TCEA1: variants seen among roughly 807,000 people sequenced by gnomAD.
The protein encoded by TCEA1 is transcription elongation factor A1.
TCEA1 carries 21 observed loss-of-function variants against 43.8 expected under a neutral mutation model. That is an observed-to-expected ratio of 0.48 (90% CI 0.34 to 0.69). The LOEUF is 0.69. TCEA1 is among the 30% of genes least tolerant of loss of function. The pLI, the probability that TCEA1 is intolerant of heterozygous loss-of-function variation, is 0.01. For synonymous variants in TCEA1, 104 were observed against 117.5 expected, an observed-to-expected ratio of 0.88 and a Z score of 0.75; for missense variants, 250 against 365.1, an observed-to-expected ratio of 0.68 and a Z score of 2.57.
At chr8:53,975,920 A>C (rs1803318760) in intron 8 of TCEA1, among the ~76,000 whole-genome samples, 1 of 152,204 alleles carries the variant, frequency 6.6e-6, no homozygotes, top group Non-Finnish European at 1.5e-5. Context: ...TTTTTTTAAA[A>C]CTTAAAAAGA....
At chr8:53,994,803 G>A (rs1375461479) in intron 3 of TCEA1, among the ~76,000 whole-genome samples, 3 of 151,726 alleles carry the variant, frequency 2.0e-5, no homozygotes, top group Admixed American at 6.6e-5. Flanking sequence ...CCCAGGAGGC[G>A]GAGGTTGCAG....
At chr8:53,981,734 G>A (rs1334344988) in intron 7 of TCEA1, among the ~76,000 whole-genome samples, 1 of 151,032 alleles carries the variant, frequency 6.6e-6, no homozygotes, top group Non-Finnish European at 1.5e-5. Flanking sequence ...TGCAGTTCAT[G>A]AATCAAGGAG....
chr8:54,008,174 A>G (rs1231431616), intron 2 of TCEA1, among the ~76,000 whole-genome samples: 1 of 105,910 alleles, frequency 9.4e-6, no homozygotes, highest in Non-Finnish European at 1.9e-5. Flanking sequence ...CTGTGTCTCA[A>G]AAAAAAAAAA....
At chr8:54,019,612 A>G (rs962156682) in intron 1 of TCEA1, among the ~76,000 whole-genome samples, 6 of 152,176 alleles carry the variant, frequency 3.9e-5, no homozygotes, top group Admixed American at 1.3e-4. Flanking sequence ...ATAAAACATT[A>G]AAAAAGCTGA....
chr8:53,972,144 G>A (rs919529844), intron 8 of TCEA1: 3 of 296,982 alleles, frequency 1.0e-5, no homozygotes, highest in Middle Eastern at 4.2e-4. Context: ...TGGCAGTGAT[G>A]GTTATGAAAA....
chr8:54,012,507 C>G (rs932855698), intron 1 of TCEA1, among the ~76,000 whole-genome samples: 6 of 152,058 alleles, frequency 3.9e-5, no homozygotes, highest in Non-Finnish European at 8.8e-5. Context: ...TGCAGTGAGC[C>G]GAGATCGCGC....
chr8:53,993,691 G>A lies in TCEA1; in HGVS notation c.297C>T (p.Asn99=), dbSNP rs185387224. The A allele has an allele frequency of 2.4e-4, 382 of 1,613,564 alleles. 3 individuals carry two copies. The African/African-American group carries it at 4.6e-3, about 19-fold the overall frequency. ...ACCTTTCTTCTCTTGCCTCAGGGCT[G>A]TTCTGCGATGTAATTGCAGGTTCTT... ...KKKEPAITSQ[N]SPEAREESTS... Residue 99 remains asparagine (N), a synonymous_variant, in exon 4 of 10, where the codon AAC becomes AAT. Transcript: ENST00000521604.
At chr8:54,012,287 C>A (rs1042004377) in intron 1 of TCEA1, among the ~76,000 whole-genome samples, 11 of 152,192 alleles carry the variant, frequency 7.2e-5, no homozygotes, top group Non-Finnish European at 1.2e-4. Context: ...TAAGGCCGGG[C>A]GCAGTGGCTC....
At chr8:54,011,657 C>T (rs1446118801) in intron 1 of TCEA1, among the ~76,000 whole-genome samples, 1 of 152,194 alleles carries the variant, frequency 6.6e-6, no homozygotes, top group Non-Finnish European at 1.5e-5. Context: ...ACAGAAAGAA[C>T]CACAGCACGT....
intron 4 of TCEA1, among the ~76,000 whole-genome samples, chr8:53,992,586 G>A (rs956338886): frequency 1.3e-5 from 2 of 152,192 alleles, no homozygotes; most frequent in African/African-American, 4.8e-5. Flanking sequence ...ACTCCAGAGT[G>A]GGCGGCAGAG....
intron 3 of TCEA1, among the ~76,000 whole-genome samples, chr8:53,996,321 C>T (rs975972895): frequency 6.6e-6 from 1 of 152,262 alleles, no homozygotes; most frequent in Non-Finnish European, 1.5e-5. Context: ...TGTCTGCAAT[C>T]AAGTCCCAGC....
At chr8:53,990,674 T>C (rs996498748) in intron 4 of TCEA1, among the ~76,000 whole-genome samples, 1 of 152,110 alleles carries the variant, frequency 6.6e-6, no homozygotes, top group African/African-American at 2.4e-5. Flanking sequence ...AAAAACCCAG[T>C]TCTTAAACAC....
At chr8:53,995,537 C>T (rs1293905094) in intron 3 of TCEA1, among the ~76,000 whole-genome samples, 1 of 152,098 alleles carries the variant, frequency 6.6e-6, no homozygotes, top group Non-Finnish European at 1.5e-5. Flanking sequence ...ACAAAGTATA[C>T]CAGTTAAGTA....
rs1803950186 is a variant in TCEA1, at chr8:53,993,585, T to C, written c.320+83A>G. ...TAGAAAACAAAAAAAGGAGTGTAAA[T>C]AGGGGAACATTAGACAGGGGAATTG... On this transcript the variant is annotated intron_variant, in intron 4 of 9. Coordinates refer to ENST00000521604, the MANE Select transcript of TCEA1 (RefSeq NM_006756.4). 8.2e-6 allele frequency: 9 copies of C among 1,094,346 alleles called. No individual in the cohort carries two copies. The East Asian group carries it at 2.2e-4, about 27-fold the overall frequency. The allele number at this position is 1,094,346 out of a possible 1,614,324, so 67.8% of individuals were successfully genotyped here. A position where few individuals can be genotyped will look rare whatever the true frequency, so the allele number is the denominator to read the frequency against.
intron 2 of TCEA1, among the ~76,000 whole-genome samples, chr8:54,006,975 T>G (rs1381825927): frequency 6.6e-6 from 1 of 152,084 alleles, no homozygotes; most frequent in Non-Finnish European, 1.5e-5. Flanking sequence ...GTAGCTGGGA[T>G]TATTACAGGC....
intron 7 of TCEA1, 112 bp downstream of exon 7, chr8:53,984,251 A>G: frequency 1.9e-6 from 2 of 1,030,790 alleles, no homozygotes; most frequent in Non-Finnish European, 2.7e-6. Context: ...TATCAGAATA[A>G]CGGAAATTTA....
intron 1 of TCEA1, among the ~76,000 whole-genome samples, chr8:54,015,877 CATTT>C (rs1247179262): frequency 1.3e-5 from 2 of 152,156 alleles, no homozygotes; most frequent in African/African-American, 2.4e-5. Flanking sequence ...TCTGAATAGA[CATTT>C]ATTTCTCCAT....
At chr8:54,010,322 G>T in intron 2 of TCEA1, 108 bp downstream of exon 2, 2 of 827,758 alleles carry the variant, frequency 2.4e-6, no homozygotes, top group Non-Finnish European at 3.8e-6. Context: ...AGTTAGTAAT[G>T]GTTTACACCA....
At chr8:53,982,611 A>G (rs900898258) in intron 7 of TCEA1, among the ~76,000 whole-genome samples, 1 of 122,852 alleles carries the variant, frequency 8.1e-6, no homozygotes, top group Non-Finnish European at 1.7e-5. Context: ...TCCATTCCCC[A>G]CCAAAAAAAA....
Sources: gnomAD v4.1 joint callset for allele counts (sites outside exome capture counted in the v4.1 genomes callset) on GRCh38, gnomAD v4.1.1 for gene constraint, MANE v1.5 for transcripts, NCBI Gene and HGNC (gene_info 2026-07-23, HGNC 2026-07-21) for gene names.